The following CD96 variants were observed in gnomAD, a reference collection of about 807,000 sequenced individuals.
CD96 encodes the protein T-cell surface protein tactile.
In CD96, 70 loss-of-function variants were observed where a neutral mutation model predicts 71.3. That is an observed-to-expected ratio of 0.98 (90% CI 0.81 to 1.20). The LOEUF (loss-of-function observed/expected upper bound fraction) is 1.20, where lower values mean the gene tolerates loss of function less well. Among genes scored for constraint, CD96 ranks in the 50% most tolerant of loss-of-function variants. The pLI, the probability that CD96 is intolerant of heterozygous loss-of-function variation, is 0.00. For missense variants in CD96, 742 were observed against 677.5 expected (o/e 1.10, Z -1.06); for synonymous variants, 248 against 233.0 (o/e 1.06, Z -0.59).
intron 3 of CD96, chr3:111,570,655 A>G: frequency 1.9e-6 from 3 of 1,608,570 alleles, no homozygotes; most frequent in Admixed American, 1.7e-5. Context: ...ATGGCCCGGG[A>G]CATGACAAAG....
intron 2 of CD96, among the ~76,000 whole-genome samples, chr3:111,561,595 A>G (rs1216735030): frequency 6.9e-6 from 1 of 144,994 alleles, no homozygotes; most frequent in Non-Finnish European, 1.5e-5. Context: ...TGCTGGGAGA[A>G]CCACTGCTCT....
intron 8 of CD96, among the ~76,000 whole-genome samples, chr3:111,621,123 AT>A (rs1938501455): frequency 6.6e-6 from 1 of 152,202 alleles, no homozygotes; most frequent in South Asian, 2.1e-4. Context: ...TGCAGGTAAG[AT>A]ATATTTTTAA....
Position 111,652,358 on chromosome 3 carries a change from T to C in CD96, c.*2552T>C, listed in dbSNP as rs539660410. 3 of 152,238 alleles carry C rather than the reference T, an allele frequency of 2.0e-5. No individual in the cohort carries two copies. In the South Asian group the frequency reaches 6.2e-4, roughly 32 times the overall value. The allele number at this position is 152,238 out of a possible 1,614,324, so 9.4% of individuals were successfully genotyped here. ...GTATTTAACAAGACTTAATCATCAG[T>C]AATTTGTATACAAAGCATTGTGGTT... On this transcript the variant is annotated 3_prime_UTR_variant, in exon 14 of 14. Coordinates refer to ENST00000352690, the MANE Select transcript of CD96 (RefSeq NM_005816.5).
intron 14 of CD96, among the ~76,000 whole-genome samples, chr3:111,664,163 GTA>G (rs1940425315): frequency 6.7e-6 from 1 of 149,216 alleles, no homozygotes. Flanking sequence ...ATTATTGGGT[GTA>G]TACCCAAAGG....
At chr3:111,577,431 A>G in intron 3 of CD96, 1 of 1,050,874 alleles carries the variant, frequency 9.5e-7, no homozygotes, top group Non-Finnish European at 1.5e-6. Flanking sequence ...CCCAATACTT[A>G]GAGCTCCTCT....
intron 5 of CD96, among the ~76,000 whole-genome samples, chr3:111,589,257 G>C (rs1408495217): frequency 6.6e-6 from 1 of 152,050 alleles, no homozygotes; most frequent in Admixed American, 6.6e-5. Context: ...GCCTGTTTTT[G>C]TTTTTTATAA....
intron 12 of CD96, among the ~76,000 whole-genome samples, chr3:111,647,020 A>T (rs1414532524): frequency 6.6e-6 from 1 of 151,418 alleles, no homozygotes. Flanking sequence ...AACATCGAGT[A>T]CATATGGACA....
chr3:111,575,212 C>A (rs1410049430), intron 3 of CD96, among the ~76,000 whole-genome samples: 1 of 152,128 alleles, frequency 6.6e-6, no homozygotes, highest in Non-Finnish European at 1.5e-5. Flanking sequence ...TTTTCAAGAC[C>A]TGGATCTCCA....
chr3:111,622,705 G>T (rs1296198601), intron 8 of CD96, among the ~76,000 whole-genome samples: 1 of 152,200 alleles, frequency 6.6e-6, no homozygotes, highest in Non-Finnish European at 1.5e-5. Flanking sequence ...TATTTTATAG[G>T]ATACTTTACA....
intron 8 of CD96, among the ~76,000 whole-genome samples, chr3:111,617,183 G>A (rs1002771308): frequency 2.6e-5 from 4 of 152,212 alleles, no homozygotes; most frequent in Admixed American, 2.6e-4. Flanking sequence ...GCCATTTGGT[G>A]CAAACAGCCT....
At chr3:111,636,024 CA>C (rs1266391877) in intron 10 of CD96, among the ~76,000 whole-genome samples, 1 of 152,162 alleles carries the variant, frequency 6.6e-6, no homozygotes, top group South Asian at 2.1e-4. Flanking sequence ...CTTAGTCCAT[CA>C]TCATCAATAG....
At chr3:111,620,189 C>T (rs918600062) in intron 8 of CD96, among the ~76,000 whole-genome samples, 8 of 152,304 alleles carry the variant, frequency 5.3e-5, no homozygotes, top group African/African-American at 1.9e-4. Flanking sequence ...CTGGGCTACC[C>T]CTGCTTTAAT....
intron 12 of CD96, among the ~76,000 whole-genome samples, chr3:111,638,901 C>G (rs1939462105): frequency 6.6e-6 from 1 of 152,008 alleles, no homozygotes; most frequent in Non-Finnish European, 1.5e-5. Flanking sequence ...AGAGATGGGT[C>G]AAAAATGGAG....
At chr3:111,586,278 T>TG (rs1472418024) in intron 5 of CD96, among the ~76,000 whole-genome samples, 5 of 152,196 alleles carry the variant, frequency 3.3e-5, no homozygotes, top group Non-Finnish European at 5.9e-5. Flanking sequence ...TTCTATTACA[T>TG]GGGGCGAGAG....
At chr3:111,607,096 C>T (rs759113868) in intron 8 of CD96, 9 of 388,404 alleles carry the variant, frequency 2.3e-5, no homozygotes, top group Non-Finnish European at 3.8e-5. Context: ...GTATCATTCT[C>T]ATGGCTTCAA....
downstream of CD96, among the ~76,000 whole-genome samples, chr3:111,654,681 A>G (rs1056558851): frequency 2.5e-4 from 38 of 152,354 alleles, no homozygotes; most frequent in Non-Finnish European, 4.4e-4. Flanking sequence ...CAATATCACA[A>G]CATAAAGAAG....
At chr3:111,636,213 G>T (rs149226789) in intron 10 of CD96, among the ~76,000 whole-genome samples, 1 of 152,252 alleles carries the variant, frequency 6.6e-6, no homozygotes. Flanking sequence ...AAGCCCTAAA[G>T]AATGGACTCT....
chr3:111,555,406 C>G (rs1431709740), intron 2 of CD96, among the ~76,000 whole-genome samples: 2 of 152,280 alleles, frequency 1.3e-5, no homozygotes, highest in Admixed American at 6.5e-5. Flanking sequence ...TCGTGTAAGA[C>G]AAATCTACTT....
intron 8 of CD96, among the ~76,000 whole-genome samples, chr3:111,607,709 G>A (rs1048527320): frequency 6.6e-6 from 1 of 152,126 alleles, no homozygotes; most frequent in Admixed American, 6.5e-5. Flanking sequence ...GCCTGCAGTC[G>A]CTGTCACAGG....
Sources: gnomAD v4.1 joint callset for allele counts (sites outside exome capture counted in the v4.1 genomes callset) on GRCh38, gnomAD v4.1.1 for gene constraint, MANE v1.5 for transcripts, NCBI Gene and HGNC (gene_info 2026-07-23, HGNC 2026-07-21) for gene names.